C1QTNF7: variants seen among roughly 807,000 people sequenced by gnomAD.
The protein encoded by C1QTNF7 is C1q and TNF related 7, also known as complement C1q tumor necrosis factor-related protein 7.
Under a neutral mutation model 19.6 loss-of-function variants are expected in C1QTNF7, and 15 were observed. The observed-to-expected ratio is 0.76, with a 90% CI of 0.51 to 1.18. The LOEUF is 1.18. Among genes scored for constraint, C1QTNF7 ranks in the 50% most tolerant of loss-of-function variants. The probability of loss-of-function intolerance (pLI) is 0.00; values close to 1 mark genes in which losing one functional copy is unlikely to be tolerated. For missense variants in C1QTNF7, 324 were observed against 359.7 expected (o/e 0.90, Z 0.80); for synonymous variants, 142 against 137.5 (o/e 1.03, Z -0.23).
At chr4:15,429,895 C>T (rs911894597) in intron 1 of C1QTNF7, among the ~76,000 whole-genome samples, 19 of 152,162 alleles carry the variant, frequency 1.2e-4, no homozygotes, top group Non-Finnish European at 2.6e-4. Flanking sequence ...CCACCACCAA[C>T]ATATTTTATT....
upstream of C1QTNF7, among the ~76,000 whole-genome samples, chr4:15,426,602 CAG>C (rs559940060): frequency 5.8e-3 from 887 of 152,242 alleles, 7 homozygotes; most frequent in African/African-American, 0.021. Flanking sequence ...GTGAATGACA[CAG>C]AAAAGAAAAT....
intron 1 of C1QTNF7, among the ~76,000 whole-genome samples, chr4:15,355,421 A>T (rs1378058291): frequency 6.6e-6 from 1 of 152,150 alleles, no homozygotes; most frequent in Non-Finnish European, 1.5e-5. Context: ...TAAACCTCAA[A>T]CTAAGCAGCG....
At chr4:15,368,211 G>A (rs940917790) in intron 1 of C1QTNF7, among the ~76,000 whole-genome samples, 1 of 152,074 alleles carries the variant, frequency 6.6e-6, no homozygotes, top group Non-Finnish European at 1.5e-5. Context: ...ATGATTTTAA[G>A]AGTCACCCGT....
intron 1 of C1QTNF7, among the ~76,000 whole-genome samples, chr4:15,408,500 A>G (rs1325665357): frequency 6.6e-6 from 1 of 152,110 alleles, no homozygotes; most frequent in Non-Finnish European, 1.5e-5. Flanking sequence ...GTATATATGT[A>G]TATATATACA....
chr4:15,352,493 G>C (rs1716974732), intron 1 of C1QTNF7, among the ~76,000 whole-genome samples: 1 of 152,118 alleles, frequency 6.6e-6, no homozygotes. Context: ...GACAAAAGCT[G>C]TGTGCTGAAA....
chr4:15,442,967 A>T lies in C1QTNF7; in HGVS notation c.*168A>T, dbSNP rs1712847634. The T allele has an allele frequency of 1.7e-6, 1 of 604,198 alleles. No individual in the cohort carries two copies. The allele number at this position is 604,198 out of a possible 1,614,324, so 37.4% of individuals were successfully genotyped here. ...GATGAAACACAGAAAAGTTGAAACC[A>T]CAACAAAATGAATTCTATTAAAGAA... On this transcript the variant is annotated 3_prime_UTR_variant, in exon 3 of 3. Transcript: ENST00000444304.
intron 1 of C1QTNF7, among the ~76,000 whole-genome samples, chr4:15,397,277 T>C (rs555968792): frequency 6.6e-6 from 1 of 152,274 alleles, no homozygotes; most frequent in East Asian, 1.9e-4. Context: ...TCAAGTGAGC[T>C]CAGAGGTGGA....
chr4:15,406,735 AT>A (rs1320895619), intron 1 of C1QTNF7, among the ~76,000 whole-genome samples: 1 of 152,234 alleles, frequency 6.6e-6, no homozygotes, highest in Non-Finnish European at 1.5e-5. Flanking sequence ...CTGTAGAATT[AT>A]ATTTTACTAT....
chr4:15,342,321 CAAGTTTGTG>C (rs1716573804), intron 1 of C1QTNF7, among the ~76,000 whole-genome samples: 1 of 152,154 alleles, frequency 6.6e-6, no homozygotes, highest in Non-Finnish European at 1.5e-5. Flanking sequence ...TTTCGGGCCA[CAAGTTTGTG>C]AACCTGGACC....
Position 15,359,264 on chromosome 4 carries a change from T to C in C1QTNF7, c.13+19057T>C, listed in dbSNP as rs140289204. 1.1e-3 allele frequency among the ~76,000 whole-genome samples: 170 copies of C among 152,250 alleles called. 1 individual carries two copies. Among genetic ancestry groups the C allele is most frequent in the African/African-American group, 3.9e-3 (163 of 41,548 alleles). On this transcript the variant is annotated intron_variant, in intron 1 of 2. Coordinates refer to the C1QTNF7 transcript ENST00000295297. The stretch of plus-strand genomic sequence containing the variant: ...ATGAAATAGCAAATAGAAAACACTA[T>C]GACAAGTCATGAAAGAGACCACAGA...
At chr4:15,361,821 C>T (rs1361710633) in intron 1 of C1QTNF7, among the ~76,000 whole-genome samples, 1 of 152,264 alleles carries the variant, frequency 6.6e-6, no homozygotes. Flanking sequence ...TAGACGGTTA[C>T]ATTTAATTCC....
chr4:15,363,085 G>A (rs1717399276), intron 1 of C1QTNF7, among the ~76,000 whole-genome samples: 1 of 152,062 alleles, frequency 6.6e-6, no homozygotes, highest in Admixed American at 6.5e-5. Flanking sequence ...AACATGATAG[G>A]ATTAAATAAT....
chr4:15,381,397 G>A (rs887512066), intron 1 of C1QTNF7, among the ~76,000 whole-genome samples: 2 of 148,476 alleles, frequency 1.3e-5, no homozygotes, highest in African/African-American at 2.5e-5. Context: ...ACTCAAGCCT[G>A]GGCAACAGTG....
At chr4:15,350,758 T>C (rs1031421503) in intron 1 of C1QTNF7, among the ~76,000 whole-genome samples, 2 of 152,158 alleles carry the variant, frequency 1.3e-5, no homozygotes, top group African/African-American at 4.8e-5. Context: ...ATGAAACCTA[T>C]TAAAATCAAA....
chr4:15,422,224 A>AAAAAAG, intron 1 of C1QTNF7, among the ~76,000 whole-genome samples: 1 of 147,882 alleles, frequency 6.8e-6, no homozygotes, highest in Non-Finnish European at 1.5e-5. Context: ...AAAAAAAAAA[A>AAAAAAG]GGATATTGCA....
intron 2 of C1QTNF7, among the ~76,000 whole-genome samples, chr4:15,439,204 A>G (rs1384390701): frequency 6.6e-6 from 1 of 152,198 alleles, no homozygotes; most frequent in African/African-American, 2.4e-5. Context: ...TCTTCATACA[A>G]ACAGGAAGAG....
chr4:15,437,638 A>T (rs1177935475), intron 2 of C1QTNF7, among the ~76,000 whole-genome samples: 1 of 152,212 alleles, frequency 6.6e-6, no homozygotes, highest in East Asian at 1.9e-4. Flanking sequence ...ATACCACCAC[A>T]TTCATAGATC....
intron 1 of C1QTNF7, among the ~76,000 whole-genome samples, chr4:15,352,239 T>G (rs942493854): frequency 2.0e-5 from 3 of 152,304 alleles, no homozygotes; most frequent in African/African-American, 7.2e-5. Flanking sequence ...ATACATCTCT[T>G]CATCCTCACA....
intron 2 of C1QTNF7, among the ~76,000 whole-genome samples, chr4:15,438,466 C>A (rs1351192442): frequency 6.6e-6 from 1 of 152,136 alleles, no homozygotes; most frequent in Non-Finnish European, 1.5e-5. Flanking sequence ...TTGGTGAATA[C>A]CCTCACCACA....
Sources: gnomAD v4.1 joint callset for allele counts (sites outside exome capture counted in the v4.1 genomes callset) on GRCh38, gnomAD v4.1.1 for gene constraint, MANE v1.5 for transcripts, NCBI Gene and HGNC (gene_info 2026-07-23, HGNC 2026-07-21) for gene names.